The following GRHL3 variants were observed in gnomAD, a reference collection of about 807,000 sequenced individuals.
The protein encoded by GRHL3 is grainyhead-like protein 3 homolog.
A neutral mutation model predicts 70.3 loss-of-function variants in GRHL3; 20 were observed. The observed-to-expected ratio is 0.28, with a 90% CI of 0.20 to 0.41. The LOEUF is 0.41. Among genes scored for constraint, GRHL3 ranks in the 10% least tolerant of loss-of-function variants. GRHL3 has a pLI of 1.00. For synonymous variants in GRHL3, 299 were observed against 299.9 expected (o/e 1.00, Z 0.03); for missense variants, 637 against 762.3 (o/e 0.84, Z 1.94).
intron 14 of GRHL3, 87 bp from the exon 15 acceptor site, chr1:24,349,971 C>A: frequency 1.0e-6 from 1 of 955,778 alleles, no homozygotes; most frequent in Non-Finnish European, 1.6e-6. Flanking sequence ...CTTTTGTAAT[C>A]AGGAAGTAAA....
intron 15 of GRHL3, among the ~76,000 whole-genome samples, chr1:24,351,842 C>T (rs1016733787): frequency 3.3e-5 from 5 of 152,170 alleles, no homozygotes; most frequent in African/African-American, 1.2e-4. Context: ...AGCATCATCT[C>T]GTTGACCCTT....
At chr1:24,358,375 C>A, downstream of GRHL3, 1 of 718,926 alleles carries the variant, frequency 1.4e-6, no homozygotes, top group Non-Finnish European at 2.6e-6. Flanking sequence ...CAGCTCAAGA[C>A]AAAGGCAATG....
rs371427354 is a variant in GRHL3 at position 24,342,721 on chromosome 1, G to C, written c.1234G>C (p.Glu412Gln). 7 of 1,614,086 alleles carry C rather than the reference G, an allele frequency of 4.3e-6. No homozygotes were observed. In the African/African-American group the frequency reaches 9.3e-5, roughly 22 times the overall value. Residue 412 changes from glutamate to glutamine, a missense_variant, in exon 10 of 16, where the codon GAG (glutamate) becomes CAG (glutamine). This residue lies in a region of GRHL3 where 387 missense variants were observed against 513.8 expected (regional missense o/e 0.75). Coordinates refer to ENST00000361548, the MANE Select transcript of GRHL3 (RefSeq NM_198173.3). This position sits in a 1 kb window ranked among gnomAD's most constrained non-coding sequence, Gnocchi z 4.8. ...KGAERKMRDDERKQFRRKVKC... is the reference protein window; with the variant it reads ...KGAERKMRDDQRKQFRRKVKC... ...AGCTGAGAGGAAGATGCGCGATGAC[G>C]AGCGGAAGCAGTTCCGGAGGAAGGT...
At position 24,347,479 on chromosome 1, in the gene GRHL3, G is replaced by A. The variant is rs1395729675; in HGVS notation, c.1555G>A (p.Val519Met). The A allele has an allele frequency of 6.2e-7, 1 of 1,614,130 alleles. No individual in the cohort carries two copies. Among genetic ancestry groups the A allele is most frequent in the Admixed American group, 1.7e-5 (1 of 60,034 alleles). The part of the protein sequence containing the change: ...EGDLQRVLLY[V>M]RRETEEVFDA... ...CCCTTGCTTTTCAGTTCTGCTGTAT[G>A]TGCGGAGGGAGACTGAGGAGGTGTT... The change falls in exon 14 of 16, where the codon GTG becomes ATG. Residue 519 changes from valine (V) to methionine (M), a missense_variant. Val to Met is a conservative substitution (Grantham distance 21). Transcript: ENST00000361548.
At chr1:24,328,731 C>T (rs1485331676) in intron 1 of GRHL3, among the ~76,000 whole-genome samples, 3 of 152,228 alleles carry the variant, frequency 2.0e-5, no homozygotes, top group Non-Finnish European at 2.9e-5. Context: ...TGACCTGGAA[C>T]ACAGTGATGG....
downstream of GRHL3, among the ~76,000 whole-genome samples, chr1:24,355,680 G>A (rs1429550685): frequency 2.0e-5 from 3 of 152,146 alleles, no homozygotes; most frequent in African/African-American, 7.2e-5. Flanking sequence ...CCAGCTCTGC[G>A]CCTACTCTCT....
At chr1:24,326,871 T>G (rs576411699) in intron 1 of GRHL3, among the ~76,000 whole-genome samples, 75 of 152,358 alleles carry the variant, frequency 4.9e-4, no homozygotes, top group Admixed American at 2.1e-3. Context: ...GTATATTTCC[T>G]GGTCTGTAAA....
chr1:24,335,624 C>T (rs999428168), intron 3 of GRHL3, among the ~76,000 whole-genome samples: 16 of 151,608 alleles, frequency 1.1e-4, no homozygotes, highest in African/African-American at 3.6e-4. Context: ...GCTCTGTTGC[C>T]CAGGCTGGAG....
chr1:24,346,018 G>A (rs985696710), intron 12 of GRHL3, among the ~76,000 whole-genome samples: 12 of 152,114 alleles, frequency 7.9e-5, no homozygotes, highest in African/African-American at 2.7e-4. Flanking sequence ...TTATGGATGC[G>A]GAAACTGAGG....
intron 13 of GRHL3, 93 bp downstream of exon 13, chr1:24,346,734 G>A: frequency 7.4e-6 from 7 of 951,226 alleles, no homozygotes; most frequent in East Asian, 2.6e-5. Context: ...GGTGGGGCAC[G>A]AGGCGCTGCC....
At chr1:24,330,711 C>T (rs1465139063) in intron 1 of GRHL3, among the ~76,000 whole-genome samples, 1 of 152,224 alleles carries the variant, frequency 6.6e-6, no homozygotes, top group Non-Finnish European at 1.5e-5. Flanking sequence ...CTTTCCTGAT[C>T]TCTTTCCTTT....
At chr1:24,344,997 C>CATACCTGTGCCCCCTCT in intron 12 of GRHL3, 66 bp downstream of exon 12, 1 of 1,436,908 alleles carries the variant, frequency 7.0e-7, no homozygotes, top group East Asian at 2.6e-5. Context: ...GTGCCCCCTC[C>CATACCTGTGCCCCCTCT]ACACCTGTGC....
Position 24,322,571 on chromosome 1 carries a change from A to G in GRHL3, c.17+3003A>G, listed in dbSNP as rs867082942. On this transcript the variant is annotated intron_variant, in intron 1 of 15. Transcript: ENST00000361548. The surrounding 1 kb of genome is among the most constrained non-coding windows in gnomAD (Gnocchi z 4.4). ...CTGGCGGACTGGGCCGAGAGGCTTG[A>G]GCCAACCCTAACGGCGGCGGCCCGG... Among the ~76,000 whole-genome samples the G allele has an allele frequency of 3.9e-5, 6 of 152,310 alleles. No homozygotes were observed. Among genetic ancestry groups the G allele is most frequent in the Middle Eastern group, 3.4e-3 (1 of 294 alleles).
chr1:24,324,900 A>G (rs964121722), intron 1 of GRHL3, among the ~76,000 whole-genome samples: 1 of 152,086 alleles, frequency 6.6e-6, no homozygotes, highest in Non-Finnish European at 1.5e-5. Flanking sequence ...TGAGGCCCCC[A>G]AATGAGCCCC....
chr1:24,361,832 T>C (rs1016215483), intron 15 of GRHL3, among the ~76,000 whole-genome samples: 1 of 152,164 alleles, frequency 6.6e-6, no homozygotes, highest in African/African-American at 2.4e-5. Context: ...ATTCTGGGCC[T>C]CAGTTTCCCC....
intron 1 of GRHL3, among the ~76,000 whole-genome samples, chr1:24,326,579 T>C (rs1230767518): frequency 6.6e-6 from 1 of 152,190 alleles, no homozygotes; most frequent in Non-Finnish European, 1.5e-5. Context: ...AAATGCAACC[T>C]CCGTGTCGGC....
At chr1:24,331,750 G>A in intron 2 of GRHL3, 138 bp downstream of exon 2, 1 of 590,172 alleles carries the variant, frequency 1.7e-6, no homozygotes, top group East Asian at 3.0e-5. Context: ...CCCTCTGCCT[G>A]GCACCCTCCC....
At chr1:24,353,010 A>G (rs1249377615) in intron 15 of GRHL3, among the ~76,000 whole-genome samples, 1 of 152,104 alleles carries the variant, frequency 6.6e-6, no homozygotes, top group African/African-American at 2.4e-5. Context: ...CACTTCAAAG[A>G]ACTCTCCCAT....
intron 1 of GRHL3, among the ~76,000 whole-genome samples, chr1:24,327,556 A>T (rs917902784): frequency 6.6e-6 from 1 of 152,202 alleles, no homozygotes; most frequent in African/African-American, 2.4e-5. Flanking sequence ...TGTGTCTGGT[A>T]GAGATCTGAT....
Sources: gnomAD v4.1 joint callset for allele counts (sites outside exome capture counted in the v4.1 genomes callset) on GRCh38, gnomAD v4.1.1 for gene constraint, gnomAD v4.1.1 regional missense constraint, Gnocchi (gnomAD v3.1) non-coding constraint, MANE v1.5 for transcripts, NCBI Gene and HGNC (gene_info 2026-07-23, HGNC 2026-07-21) for gene names.